HIF3A: variants seen among roughly 807,000 people sequenced by gnomAD.
HIF3A encodes hypoxia inducible factor 3 subunit alpha.
Under a neutral mutation model 67.2 loss-of-function variants are expected in HIF3A, and 41 were observed. The observed-to-expected ratio is 0.61, with a 90% CI of 0.48 to 0.79. The LOEUF is 0.79. HIF3A is among the 30% of genes least tolerant of loss of function. The pLI is 0.00. For synonymous variants in HIF3A, 356 were observed against 374.8 expected (o/e 0.95, Z 0.58); for missense variants, 855 against 898.0 (o/e 0.95, Z 0.61).
chr19:46,331,433 C>T (rs548666996), intron 13 of HIF3A, 160 bp downstream of exon 13: 1 of 372,584 alleles, frequency 2.7e-6, no homozygotes, highest in Non-Finnish European at 5.3e-6. Context: ...TCTAGTTTCA[C>T]TAATGGGTAT....
At chr19:46,326,879 C>T (rs758856893) in intron 11 of HIF3A, among the ~76,000 whole-genome samples, 2 of 152,100 alleles carry the variant, frequency 1.3e-5, no homozygotes, top group Admixed American at 6.6e-5. Context: ...GGGGGCCAGG[C>T]GTGGTGGCTC....
At chr19:46,315,688 C>G (rs954861393) in intron 8 of HIF3A, among the ~76,000 whole-genome samples, 3 of 150,530 alleles carry the variant, frequency 2.0e-5, no homozygotes, top group African/African-American at 7.3e-5. Flanking sequence ...CCGAGGAGGG[C>G]AGATCAGTTG....
intron 14 of HIF3A, among the ~76,000 whole-genome samples, chr19:46,335,953 A>T (rs1971577492): frequency 6.6e-6 from 1 of 150,778 alleles, no homozygotes; most frequent in Admixed American, 6.6e-5. Flanking sequence ...AGACGGGAGG[A>T]TTGCTTAAGC....
intron 6 of HIF3A, among the ~76,000 whole-genome samples, chr19:46,311,326 C>T (rs1471615429): frequency 6.6e-6 from 1 of 152,186 alleles, no homozygotes; most frequent in Non-Finnish European, 1.5e-5. Flanking sequence ...CATTGTGGCT[C>T]ACGCCTATAA....
In HIF3A at chr19:46,329,447, G is replaced by T. The variant is rs778076212; in HGVS notation, c.1681G>T (p.Ala561Ser). The change falls in exon 12 of 15, where the codon GCA (alanine) becomes TCA (serine). Residue 561 changes from alanine to serine, a missense_variant. By Grantham distance (99) the Ala-to-Ser change is moderately conservative. This residue lies in a region of HIF3A where 199 missense variants were observed against 193.8 expected (regional missense o/e 1.03). Coordinates refer to ENST00000377670, the MANE Select transcript of HIF3A (RefSeq NM_152795.4). ...CAGCCCTTCCAGAGGGGACCCCTCA[G>T]CATCCTCTCCCATGGCTGGGGCTCG... ...CSSPSRGDPS[A>S]SSPMAGARKR... The T allele has an allele frequency of 1.9e-6, 3 of 1,547,492 alleles. No individual in the cohort carries two copies. Among genetic ancestry groups the T allele is most frequent in the Non-Finnish European group, 1.7e-6 (2 of 1,145,636 alleles).
At chr19:46,304,696 G>A (rs1211662910) in intron 2 of HIF3A, among the ~76,000 whole-genome samples, 4 of 152,198 alleles carry the variant, frequency 2.6e-5, no homozygotes, top group African/African-American at 9.6e-5. Context: ...TGAAAGCGGG[G>A]GAAGTAGCGT....
intron 3 of HIF3A, 79 bp downstream of exon 3, chr19:46,305,469 C>A: frequency 7.2e-7 from 1 of 1,383,608 alleles, no homozygotes; most frequent in South Asian, 1.2e-5. Context: ...ACAGCCATAG[C>A]CCTACCTTTA....
intron 3 of HIF3A, among the ~76,000 whole-genome samples, chr19:46,306,870 C>G (rs2147139719): frequency 6.6e-6 from 1 of 152,340 alleles, no homozygotes. Flanking sequence ...TTCACCAGCA[C>G]CAGCACCATT....
chr19:46,320,883 G>A (rs939148807), intron 9 of HIF3A, among the ~76,000 whole-genome samples: 5 of 152,080 alleles, frequency 3.3e-5, no homozygotes, highest in African/African-American at 9.7e-5. Context: ...TTGCCCCCAC[G>A]CTTCTGCCTC....
At chr19:46,331,872 A>G (rs1332648022) in intron 13 of HIF3A, among the ~76,000 whole-genome samples, 1 of 151,786 alleles carries the variant, frequency 6.6e-6, no homozygotes, top group African/African-American at 2.4e-5. Context: ...AAAAAAAAAA[A>G]AAGGCAATAA....
At chr19:46,323,194 G>A (rs949955284) in intron 10 of HIF3A, among the ~76,000 whole-genome samples, 2 of 152,038 alleles carry the variant, frequency 1.3e-5, no homozygotes, top group Admixed American at 1.3e-4. Context: ...GAGATTACAG[G>A]CGCACACTAC....
At chr19:46,304,684 C>T (rs936040998) in intron 2 of HIF3A, among the ~76,000 whole-genome samples, 1 of 152,112 alleles carries the variant, frequency 6.6e-6, no homozygotes, top group Non-Finnish European at 1.5e-5. Context: ...ATCCCAGGAC[C>T]CTGAAAGCGG....
intron 5 of HIF3A, 110 bp downstream of exon 5, chr19:46,308,885 G>A (rs1053366186): frequency 9.1e-5 from 70 of 772,818 alleles, no homozygotes; most frequent in Non-Finnish European, 1.2e-4. Context: ...GGGACCCTGC[G>A]GGGCTCACTC....
chr19:46,337,940 T>C (rs1020400598), intron 14 of HIF3A, among the ~76,000 whole-genome samples: 1 of 152,222 alleles, frequency 6.6e-6, no homozygotes, highest in Non-Finnish European at 1.5e-5. Flanking sequence ...GTCCCTGCTG[T>C]TCTCTTCTTT....
At chr19:46,307,182 G>C (rs1237152726) in intron 3 of HIF3A, among the ~76,000 whole-genome samples, 1 of 152,130 alleles carries the variant, frequency 6.6e-6, no homozygotes, top group Non-Finnish European at 1.5e-5. Context: ...ACCTTGTACT[G>C]CTTTTGTTTT....
At position 46,329,959 on chromosome 19, in the gene HIF3A, G is replaced by GAAA. The variant is rs11483629; in HGVS notation, c.1712+496_1712+498dup. ...CTGGGCAATGGTGAGACCCTGTCAA[G>GAAA]AAAAAAAAAAAAAAAAAGATAGAGA... is the stretch of plus-strand genomic sequence containing the variant. On this transcript the variant is annotated intron_variant, in intron 12 of 14. Coordinates refer to ENST00000377670, the MANE Select transcript of HIF3A (RefSeq NM_152795.4). Among the ~76,000 whole-genome samples the GAAA allele has an allele frequency of 1.3e-3, 131 of 100,140 alleles. 3 individuals are homozygous for GAAA. The highest frequency in any genetic ancestry group is 4.8e-3 in the African/African-American group (122 of 25,280). The allele number at this position is 100,140 out of a possible 152,430, so 65.7% of individuals were successfully genotyped here.
intron 1 of HIF3A, among the ~76,000 whole-genome samples, chr19:46,299,649 G>T (rs1020256690): frequency 7.1e-6 from 1 of 140,578 alleles, no homozygotes; most frequent in Non-Finnish European, 1.5e-5. Context: ...GGCAGAGGTT[G>T]TAATGAGCCA....
intron 10 of HIF3A, among the ~76,000 whole-genome samples, chr19:46,325,208 G>A (rs1970690633): frequency 6.6e-6 from 1 of 151,878 alleles, no homozygotes; most frequent in African/African-American, 2.4e-5. Flanking sequence ...TGTTGGCCAA[G>A]CTGGTCTCGA....
intron 8 of HIF3A, 81 bp downstream of exon 8, chr19:46,312,734 T>TGTGTGTGTGC: frequency 1.3e-6 from 2 of 1,503,462 alleles, no homozygotes; most frequent in Non-Finnish European, 1.8e-6. Context: ...TGTGTGTGTG[T>TGTGTGTGTGC]GTGCGTATGA....
Sources: gnomAD v4.1 joint callset for allele counts (sites outside exome capture counted in the v4.1 genomes callset) on GRCh38, gnomAD v4.1.1 for gene constraint, gnomAD v4.1.1 regional missense constraint, MANE v1.5 for transcripts, NCBI Gene and HGNC (gene_info 2026-07-23, HGNC 2026-07-21) for gene names.